Variants in TTC7B observed in about 807,000 individuals in gnomAD.
TTC7B encodes the protein tetratricopeptide repeat protein 7B.
TTC7B carries 28 observed loss-of-function variants against 106.8 expected under a neutral mutation model. The observed-to-expected ratio is 0.26, with a 90% CI of 0.19 to 0.36. The LOEUF (loss-of-function observed/expected upper bound fraction) is 0.36. Among genes scored for constraint, TTC7B ranks in the 10% least tolerant of loss-of-function variants. The pLI is 1.00. For synonymous variants in TTC7B, 405 were observed against 430.6 expected (o/e 0.94, Z 0.74); for missense variants, 862 against 1,076.4 (o/e 0.80, Z 2.79).
chr14:90,546,689 A>G (rs1050510274), intron 19 of TTC7B, among the ~76,000 whole-genome samples: 2 of 152,208 alleles, frequency 1.3e-5, no homozygotes, highest in Non-Finnish European at 2.9e-5. Flanking sequence ...GCAGATTCCA[A>G]TGATGACATA....
chr14:90,566,887 A>G (rs77404688), intron 19 of TTC7B, among the ~76,000 whole-genome samples: 2,627 of 152,214 alleles, frequency 0.017, 80 homozygotes, highest in African/African-American at 0.06. Context: ...TCCTTTCCCC[A>G]GGTGATTGCT....
At chr14:90,598,474 G>C (rs957675635) in intron 17 of TTC7B, among the ~76,000 whole-genome samples, 3 of 152,278 alleles carry the variant, frequency 2.0e-5, no homozygotes, top group South Asian at 2.1e-4. Flanking sequence ...GGGTAAGGAG[G>C]GGGGAAGGCA....
At chr14:90,701,690 GTATATATAT>G (rs1887991440) in intron 5 of TTC7B, among the ~76,000 whole-genome samples, 2 of 77,642 alleles carry the variant, frequency 2.6e-5, no homozygotes, top group Non-Finnish European at 5.8e-5. Context: ...CAAAAGAAAC[GTATATATAT>G]ATATATATAT....
At position 90,657,094 on chromosome 14, in the gene TTC7B, C is replaced by T. The variant is rs1885978809; in HGVS notation, c.1341+80G>A. On this transcript the variant is annotated intron_variant, in intron 11 of 19. Coordinates refer to ENST00000328459, the MANE Select transcript of TTC7B (RefSeq NM_001010854.2). The surrounding 1 kb of genome is among the most constrained non-coding windows in gnomAD (Gnocchi z 4.2). ...CTGATGAATCACCCTCGCTTTCTCT[C>T]TGTGCCTCGACATGAAAAAAATGGG... 1.6e-6 allele frequency: 2 copies of T among 1,213,902 alleles called. No individual in the cohort carries two copies. The highest frequency in any genetic ancestry group is 2.4e-6 in the Non-Finnish European group (2 of 840,446). The allele number at this position is 1,213,902 out of a possible 1,614,324, so 75.2% of individuals were successfully genotyped here. A position where few individuals can be genotyped will look rare whatever the true frequency, so the allele number is the denominator to read the frequency against.
Position 90,556,643 on chromosome 14 carries a change from G to A in TTC7B, c.2311-15054C>T, listed in dbSNP as rs542133900. ...GGAAGCTGGCACTCCCCCATGGCCC[G>A]ACTGATCCTCGTGGTGGAAAGTTTA... On this transcript the variant is annotated intron_variant, in intron 19 of 19. Transcript: ENST00000328459. Among the ~76,000 whole-genome samples, 6 of 152,300 alleles carry A rather than the reference G, an allele frequency of 3.9e-5. No individual in the cohort carries two copies. The East Asian group carries it at 5.8e-4, about 15-fold the overall frequency.
chr14:90,665,225 G>T (rs577440974), intron 9 of TTC7B, among the ~76,000 whole-genome samples: 1 of 152,272 alleles, frequency 6.6e-6, no homozygotes, highest in African/African-American at 2.4e-5. Context: ...AGGTCCATTC[G>T]CTGTAATCAC....
At position 90,526,124 on chromosome 14, in the gene TTC7B, T is replaced by C. The variant is rs912263674; in HGVS notation, c.*15244A>G. ...GCCAAACTGTTTTCCAAAGTGGCTG[T>C]ACCATTTTACATTCCCTCCAACAAC... On this transcript the variant is annotated 3_prime_UTR_variant, in exon 20 of 20. Transcript: ENST00000328459. 2 of 152,226 alleles carry C rather than the reference T, an allele frequency of 1.3e-5. No homozygotes were observed. Among genetic ancestry groups the C allele is most frequent in the Non-Finnish European group, 2.9e-5 (2 of 68,036 alleles). The allele number at this position is 152,226 out of a possible 1,614,324, so 9.4% of individuals were successfully genotyped here.
chr14:90,607,453 G>A (rs750129706), intron 17 of TTC7B, among the ~76,000 whole-genome samples: 7 of 152,208 alleles, frequency 4.6e-5, no homozygotes, highest in Admixed American at 1.3e-4. Flanking sequence ...GCTGCCACCC[G>A]CCAGGGCTGG....
At position 90,557,167 on chromosome 14, in the gene TTC7B, G is replaced by A. The variant is rs535281163; in HGVS notation, c.2311-15578C>T. ...TACCTGTCCTCAGGTGGGGTGGGGC[G>A]GGGCTCATCCCTTTGCGAGGGCCTC... On this transcript the variant is annotated intron_variant, in intron 19 of 19. Transcript: ENST00000328459. 4.6e-5 allele frequency among the ~76,000 whole-genome samples: 7 copies of A among 152,300 alleles called. No homozygotes were observed. The South Asian group carries it at 1.2e-3, about 27-fold the overall frequency.
chr14:90,782,427 C>T (rs1157465554), intron 2 of TTC7B, among the ~76,000 whole-genome samples: 1 of 152,124 alleles, frequency 6.6e-6, no homozygotes, highest in Non-Finnish European at 1.5e-5. Context: ...GGTGAAACCC[C>T]ATCTCTACTA....
At chr14:90,686,026 C>T (rs1183633456) in intron 7 of TTC7B, among the ~76,000 whole-genome samples, 2 of 152,066 alleles carry the variant, frequency 1.3e-5, no homozygotes, top group Admixed American at 6.6e-5. Flanking sequence ...AATACCAAAA[C>T]CAGACAAAGA....
At chr14:90,745,365 T>C (rs1889927443) in intron 3 of TTC7B, among the ~76,000 whole-genome samples, 1 of 151,792 alleles carries the variant, frequency 6.6e-6, no homozygotes, top group Admixed American at 6.6e-5. Flanking sequence ...ATCTTATTCC[T>C]GATATTAGGG....
chr14:90,548,582 TC>T (rs1317004558), intron 19 of TTC7B, among the ~76,000 whole-genome samples: 1 of 152,218 alleles, frequency 6.6e-6, no homozygotes, highest in African/African-American at 2.4e-5. Context: ...CTAGCTCTGT[TC>T]CCCCACTAGG....
intron 7 of TTC7B, among the ~76,000 whole-genome samples, chr14:90,684,742 C>A (rs77955387): frequency 0.19 from 28,604 of 151,924 alleles, 2,852 homozygotes; most frequent in Middle Eastern, 0.3. Flanking sequence ...GAAGAGGCCA[C>A]GGGAGGGCGT....
At chr14:90,745,537 T>A (rs1889934826) in intron 3 of TTC7B, among the ~76,000 whole-genome samples, 2 of 152,194 alleles carry the variant, frequency 1.3e-5, no homozygotes, top group South Asian at 4.1e-4. Context: ...TTCATTGAGA[T>A]AATCATATAG....
At chr14:90,617,444 G>A (rs1419742194) in intron 16 of TTC7B, among the ~76,000 whole-genome samples, 1 of 152,170 alleles carries the variant, frequency 6.6e-6, no homozygotes, top group Admixed American at 6.5e-5. Context: ...GTGTTTGATA[G>A]TCGTATGCAT....
At chr14:90,668,134 AT>A (rs938193440) in intron 9 of TTC7B, among the ~76,000 whole-genome samples, 2 of 143,186 alleles carry the variant, frequency 1.4e-5, no homozygotes, top group Non-Finnish European at 3.1e-5. Context: ...AAAAAAAAAA[AT>A]TGGTAGACTG....
chr14:90,597,364 A>G (rs1414528696), intron 17 of TTC7B, among the ~76,000 whole-genome samples: 1 of 152,214 alleles, frequency 6.6e-6, no homozygotes, highest in Non-Finnish European at 1.5e-5. Context: ...TGGTTAAAAA[A>G]CAAACCAAGC....
At chr14:90,789,969 C>T (rs900972339) in intron 1 of TTC7B, among the ~76,000 whole-genome samples, 50 of 151,946 alleles carry the variant, frequency 3.3e-4, no homozygotes, top group African/African-American at 1.2e-3. Context: ...ACCTTACATT[C>T]TTTTTTCATA....
Sources: allele counts gnomAD v4.1 joint callset (sites outside exome capture counted in the v4.1 genomes callset), GRCh38; gene constraint gnomAD v4.1.1; non-coding constraint Gnocchi (gnomAD v3.1); transcripts MANE v1.5; gene names NCBI Gene and HGNC (gene_info 2026-07-23, HGNC 2026-07-21).